Variants in DST observed in about 807,000 individuals in gnomAD.
The protein encoded by DST is bullous pemphigoid antigen.
In DST, 253 loss-of-function variants were observed where a neutral mutation model predicts 875.2. That is an observed-to-expected ratio of 0.29 (90% CI 0.26 to 0.32). The LOEUF (loss-of-function observed/expected upper bound fraction) is 0.32, where lower values mean the gene tolerates loss of function less well. DST is among the 10% of genes least tolerant of loss of function. DST has a pLI of 1.00. For synonymous variants in DST, 3,124 were observed against 3,197.1 expected (o/e 0.98, Z 0.77); for missense variants, 8,287 against 9,111.6 (o/e 0.91, Z 3.68).
In DST at chr6:56,801,803, G is replaced by A. The variant is rs146799779; in HGVS notation, c.625+49594C>T. Among the ~76,000 whole-genome samples, 510 of 148,542 alleles carry A rather than the reference G, an allele frequency of 3.4e-3. 4 individuals are homozygous for A. Among genetic ancestry groups the A allele is most frequent in the African/African-American group, 0.012 (481 of 40,156 alleles). On this transcript the variant is annotated intron_variant, in intron 4 of 103. Coordinates refer to ENST00000680361, the MANE Select transcript of DST (RefSeq NM_001374736.1). The stretch of plus-strand genomic sequence containing the variant: ...CTTGCTCTGTCACCCAGGCCGGAGC[G>A]CGATGGTATGATCTCAGCTCACTGC...
chr6:56,686,132 A>C (rs547880227), intron 9 of DST, among the ~76,000 whole-genome samples: 1 of 152,362 alleles, frequency 6.6e-6, no homozygotes, highest in Admixed American at 6.5e-5. Context: ...TGAAAAAGCA[A>C]AATCATGTCC....
chr6:56,822,379 G>A (rs997124068), intron 4 of DST, among the ~76,000 whole-genome samples: 2 of 152,200 alleles, frequency 1.3e-5, no homozygotes, highest in Admixed American at 1.3e-4. Flanking sequence ...GGGGGAGGCA[G>A]CAGTTCTCCC....
chr6:56,637,012 G>A (rs1472443781), intron 22 of DST, among the ~76,000 whole-genome samples: 2 of 152,152 alleles, frequency 1.3e-5, no homozygotes, highest in Non-Finnish European at 2.9e-5. Context: ...GAACCCAGGA[G>A]GCGGAGGTTA....
At chr6:56,795,754 G>C (rs754442888) in intron 4 of DST, among the ~76,000 whole-genome samples, 2 of 152,086 alleles carry the variant, frequency 1.3e-5, no homozygotes, top group African/African-American at 4.8e-5. Flanking sequence ...GGGAGGGAGA[G>C]AGAAGGGAGG....
intron 7 of DST, among the ~76,000 whole-genome samples, chr6:56,702,271 C>T (rs934402057): frequency 4.6e-5 from 7 of 151,898 alleles, no homozygotes; most frequent in South Asian, 2.1e-4. Flanking sequence ...AATAAAACAA[C>T]GCTAGCCTAC....
intron 3 of DST, among the ~76,000 whole-genome samples, chr6:56,865,489 C>T (rs931663464): frequency 3.3e-5 from 5 of 152,118 alleles, no homozygotes; most frequent in Non-Finnish European, 5.9e-5. Context: ...ATGTGTGCCA[C>T]CACACCTGGC....
At chr6:56,807,988 T>C (rs2099755178) in intron 4 of DST, among the ~76,000 whole-genome samples, 1 of 152,218 alleles carries the variant, frequency 6.6e-6, no homozygotes, top group African/African-American at 2.4e-5. Flanking sequence ...GAAAAAAATG[T>C]ACTAGTCTTC....
intron 15 of DST, among the ~76,000 whole-genome samples, chr6:56,643,592 T>G (rs571733888): frequency 6.6e-6 from 1 of 152,226 alleles, no homozygotes; most frequent in Non-Finnish European, 1.5e-5. Context: ...CCATGCCACA[T>G]AGCTATTACT....
At chr6:56,474,093 A>T in intron 92 of DST, 91 bp from the exon 93 acceptor site, 2 of 1,114,872 alleles carry the variant, frequency 1.8e-6, no homozygotes, top group Non-Finnish European at 2.5e-6. Context: ...TAAAAGAACC[A>T]TGTTATTATT....
chr6:56,702,688 T>G (rs531234584), intron 7 of DST, among the ~76,000 whole-genome samples: 1 of 152,240 alleles, frequency 6.6e-6, no homozygotes, highest in Admixed American at 6.5e-5. Context: ...TTTTCCTTAA[T>G]GCCATTTCCC....
rs148413592 is a variant in DST, at chr6:56,620,598, T to C, written c.4929+3932A>G. On this transcript the variant is annotated intron_variant, in intron 36 of 103. Transcript: ENST00000680361. ...TTTTGTTTCTTTAGTTCAGCTACCA[T>C]TCTTTCCAACTCACTTATCTTTCCT... 1,496 of 1,614,106 alleles carry C rather than the reference T, an allele frequency of 9.3e-4. 5 individuals are homozygous for C. Among genetic ancestry groups the C allele is most frequent in the Non-Finnish European group, 1.2e-3 (1,381 of 1,180,040 alleles).
At chr6:56,793,435 C>A (rs767594001) in intron 4 of DST, among the ~76,000 whole-genome samples, 1 of 152,130 alleles carries the variant, frequency 6.6e-6, no homozygotes, top group Admixed American at 6.6e-5. Context: ...GACAGGTATA[C>A]ATAGGGTTTG....
At chr6:56,788,530 T>C (rs1172123935) in intron 4 of DST, among the ~76,000 whole-genome samples, 1 of 152,182 alleles carries the variant, frequency 6.6e-6, no homozygotes, top group Non-Finnish European at 1.5e-5. Context: ...CAAAAGCTTA[T>C]AAATACCAAA....
intron 57 of DST, 134 bp downstream of exon 57, chr6:56,561,172 CAA>C (rs2097531497): frequency 9.8e-7 from 1 of 1,017,460 alleles, no homozygotes; most frequent in East Asian, 2.7e-5. Context: ...GCACATTAAA[CAA>C]AACTGTCAAT....
At chr6:56,687,276 TAGTA>T (rs1187894770) in intron 9 of DST, among the ~76,000 whole-genome samples, 1 of 152,204 alleles carries the variant, frequency 6.6e-6, no homozygotes, top group African/African-American at 2.4e-5. Context: ...GTGTAGGTAT[TAGTA>T]AGAATGAAAG....
intron 2 of DST, 107 bp downstream of exon 2, chr6:56,953,678 G>T: frequency 1.3e-6 from 1 of 781,874 alleles, no homozygotes; most frequent in Non-Finnish European, 1.8e-6. Flanking sequence ...GGGACAGCAT[G>T]TTCGTCATTC....
At position 56,511,191 on chromosome 6, in the gene DST, A is replaced by G. The variant is rs1216766189; in HGVS notation, c.18780+6T>C. On this transcript the variant is annotated splice_donor_region_variant and intron_variant, in intron 73 of 103. Transcript: ENST00000680361. ...ACCCAATTCTATATCTAGTGTAAAC[A>G]ATTACCTGAGTTGATTGAGAAATGG... 6.4e-7 allele frequency: 1 copy of G among 1,571,456 alleles called. No homozygotes were observed. Among genetic ancestry groups the G allele is most frequent in the Non-Finnish European group, 8.6e-7 (1 of 1,156,490 alleles).
Position 56,604,297 on chromosome 6 carries a change from A to G in DST, c.10331T>C (p.Leu3444Pro), listed in dbSNP as rs772045713. 11 of 1,612,230 alleles carry G rather than the reference A, an allele frequency of 6.8e-6. No individual in the cohort carries two copies. The highest frequency in any genetic ancestry group is 8.5e-6 in the Non-Finnish European group (10 of 1,179,060). ...ATCTTGCTTCAATATATTAAGGAGA[A>G]GCTCAGACTTAAGATTTCCAATACA... is the stretch of plus-strand genomic sequence containing the variant. Reference protein sequence around the residue: ...PFCIGNLKSELLLNILKQDQH... With the variant: ...PFCIGNLKSEPLLNILKQDQH... Residue 3444 changes from leucine to proline, a missense_variant, in exon 40 of 104, where the codon CTT becomes CCT. Physicochemically the swap from Leu to Pro is moderately conservative, Grantham distance 98 (BLOSUM62 -3). This residue lies in a region of DST where 3,138 missense variants were observed against 3,116.6 expected (regional missense o/e 1.01). Transcript: ENST00000680361.
intron 9 of DST, among the ~76,000 whole-genome samples, chr6:56,698,838 A>C (rs2152872710): frequency 6.6e-6 from 1 of 152,308 alleles, no homozygotes; most frequent in South Asian, 2.1e-4. Flanking sequence ...TTCAGGGGGT[A>C]CAAGTGCGGA....
Sources: gnomAD v4.1 joint callset for allele counts (sites outside exome capture counted in the v4.1 genomes callset) on GRCh38, gnomAD v4.1.1 for gene constraint, gnomAD v4.1.1 regional missense constraint, MANE v1.5 for transcripts, NCBI Gene and HGNC (gene_info 2026-07-23, HGNC 2026-07-21) for gene names.